LMNTD1: variants seen among roughly 807,000 people sequenced by gnomAD.
LMNTD1 encodes lamin tail domain-containing protein 1.
LMNTD1 carries 35 observed loss-of-function variants against 50.9 expected under a neutral mutation model. The observed-to-expected ratio is 0.69, with a 90% CI of 0.53 to 0.91. The LOEUF is 0.91. Among genes scored for constraint, LMNTD1 ranks in the 40% least tolerant of loss-of-function variants. LMNTD1 has a pLI of 0.00. For synonymous variants in LMNTD1, 153 were observed against 161.9 expected (o/e 0.94, Z 0.42); for missense variants, 470 against 475.5 (o/e 0.99, Z 0.11).
chr12:25,572,765 T>C (rs1342094803), intron 1 of LMNTD1, among the ~76,000 whole-genome samples: 1 of 151,986 alleles, frequency 6.6e-6, no homozygotes, highest in African/African-American at 2.4e-5. Flanking sequence ...ATTTCCTTCC[T>C]CTCTTCCTCC....
Position 25,518,975 on chromosome 12 carries a change from A to C in LMNTD1, c.1017-8T>G. 6.2e-7 allele frequency: 1 copy of C among 1,613,848 alleles called. No individual in the cohort carries two copies. Among genetic ancestry groups the C allele is most frequent in the Non-Finnish European group, 8.5e-7 (1 of 1,179,846 alleles). On this transcript the variant is annotated splice_polypyrimidine_tract_variant and splice_region_variant and intron_variant, in intron 7 of 9. Coordinates refer to ENST00000458174, the MANE Select transcript of LMNTD1 (RefSeq NM_001145728.2). Reference sequence around the variant, plus strand: ...GGTGGGATTTCCTTCTCTCTGTAAAAGAAAAAAGCCTAAATGGAACTCAAA... The same window carrying C: ...GGTGGGATTTCCTTCTCTCTGTAAACGAAAAAAGCCTAAATGGAACTCAAA...
intron 8 of LMNTD1, among the ~76,000 whole-genome samples, chr12:25,510,694 C>A (rs1427403742): frequency 6.6e-6 from 1 of 151,804 alleles, no homozygotes; most frequent in Admixed American, 6.6e-5. Context: ...ATTTTGTATT[C>A]CATTTTATTT....
At chr12:25,515,109 T>C (rs1038491915) in intron 8 of LMNTD1, among the ~76,000 whole-genome samples, 3 of 152,216 alleles carry the variant, frequency 2.0e-5, no homozygotes, top group South Asian at 2.1e-4. Context: ...CCTTTGTATG[T>C]ATGCACAAGT....
chr12:25,521,485 A>C (rs1002604158), intron 6 of LMNTD1, among the ~76,000 whole-genome samples: 1 of 152,220 alleles, frequency 6.6e-6, no homozygotes, highest in Non-Finnish European at 1.5e-5. Context: ...CTACATGATG[A>C]GGATACAGAG....
chr12:25,574,765 A>G (rs1944936057), intron 1 of LMNTD1, among the ~76,000 whole-genome samples: 1 of 152,182 alleles, frequency 6.6e-6, no homozygotes, highest in Admixed American at 6.6e-5. Flanking sequence ...TTTATTGAGC[A>G]TCTTTATTCC....
chr12:25,607,444 C>T (rs1212969550), intron 1 of LMNTD1, among the ~76,000 whole-genome samples: 1 of 152,174 alleles, frequency 6.6e-6, no homozygotes, highest in East Asian at 1.9e-4. Flanking sequence ...AATTTTAGAT[C>T]TTTCCTGCTT....
At chr12:25,563,826 A>T (rs938518249) in intron 1 of LMNTD1, among the ~76,000 whole-genome samples, 1 of 151,948 alleles carries the variant, frequency 6.6e-6, no homozygotes, top group East Asian at 1.9e-4. Flanking sequence ...TTGTTTACCT[A>T]CTCAAGCCTC....
chr12:25,528,866 A>G (rs1591921173), intron 4 of LMNTD1, among the ~76,000 whole-genome samples: 1 of 152,246 alleles, frequency 6.6e-6, no homozygotes, highest in East Asian at 1.9e-4. Flanking sequence ...AAATAGGTAC[A>G]TATCCTTGAG....
At chr12:25,611,960 A>G (rs1946253873) in intron 1 of LMNTD1, among the ~76,000 whole-genome samples, 1 of 152,222 alleles carries the variant, frequency 6.6e-6, no homozygotes, top group Admixed American at 6.5e-5. Context: ...ATTTAAGAGT[A>G]AACTTCTATC....
At chr12:25,476,610 A>G (rs534673577) in intron 9 of LMNTD1, 150 bp from the exon 10 acceptor site, 1 of 152,368 alleles carries the variant, frequency 6.6e-6, no homozygotes, top group African/African-American at 2.4e-5. Flanking sequence ...ACAGATAAAG[A>G]AATCAAAGAA....
chr12:25,526,742 G>A lies in LMNTD1; in HGVS notation c.678+27C>T, dbSNP rs187870031. 2.1e-5 allele frequency: 31 copies of A among 1,486,548 alleles called. No individual in the cohort carries two copies. In the East Asian group the frequency reaches 4.6e-4, roughly 22 times the overall value. 92.1% of individuals were successfully genotyped at this position (1,486,548 alleles called of 1,614,324 possible). ...CAAGTTTGTCCTGTACAATTCTAATGTACAGTATTTATACTCTTATACTCA... is the reference window on the plus strand; with the variant it reads ...CAAGTTTGTCCTGTACAATTCTAATATACAGTATTTATACTCTTATACTCA... On this transcript the variant is annotated intron_variant, in intron 5 of 9. Coordinates refer to ENST00000458174, the MANE Select transcript of LMNTD1 (RefSeq NM_001145728.2).
At chr12:25,525,997 C>T (rs1420882022) in intron 6 of LMNTD1, 102 bp downstream of exon 6, 3 of 890,022 alleles carry the variant, frequency 3.4e-6, no homozygotes, top group Non-Finnish European at 4.6e-6. Context: ...CATTTATGCA[C>T]TTAGACACAT....
intron 1 of LMNTD1, among the ~76,000 whole-genome samples, chr12:25,631,023 C>T (rs1357655206): frequency 3.9e-5 from 6 of 152,178 alleles, no homozygotes; most frequent in Non-Finnish European, 8.8e-5. Context: ...AGGCCTGTGA[C>T]TGCCGGCTTT....
At chr12:25,489,900 A>T (rs1938829642) in intron 9 of LMNTD1, among the ~76,000 whole-genome samples, 1 of 152,236 alleles carries the variant, frequency 6.6e-6, no homozygotes, top group Non-Finnish European at 1.5e-5. Flanking sequence ...TTTCACTTGA[A>T]GTAATATATC....
chr12:25,561,543 G>A (rs1944324921), intron 1 of LMNTD1, among the ~76,000 whole-genome samples: 1 of 152,172 alleles, frequency 6.6e-6, no homozygotes, highest in Non-Finnish European at 1.5e-5. Context: ...CATTTGCTGA[G>A]GAGTGCTTTA....
intron 9 of LMNTD1, among the ~76,000 whole-genome samples, chr12:25,497,962 A>T (rs1939159540): frequency 6.6e-6 from 1 of 152,166 alleles, no homozygotes; most frequent in Non-Finnish European, 1.5e-5. Context: ...TTTTAAAAGA[A>T]GATATTGGGG....
At chr12:25,496,532 G>A (rs899216472) in intron 9 of LMNTD1, among the ~76,000 whole-genome samples, 12 of 152,058 alleles carry the variant, frequency 7.9e-5, no homozygotes, top group South Asian at 4.1e-4. Flanking sequence ...AGTCTGCTCC[G>A]GAGTGTCCAA....
chr12:25,539,847 A>G (rs1942922576), intron 4 of LMNTD1, among the ~76,000 whole-genome samples: 1 of 149,990 alleles, frequency 6.7e-6, no homozygotes, highest in South Asian at 2.2e-4. Context: ...TAAAGAAAAA[A>G]AGAGAGAAGA....
At chr12:25,504,860 C>T (rs1303622681) in intron 8 of LMNTD1, among the ~76,000 whole-genome samples, 1 of 152,166 alleles carries the variant, frequency 6.6e-6, no homozygotes, top group Non-Finnish European at 1.5e-5. Context: ...AAGTTATGAA[C>T]CTAGAATATA....
Sources: gnomAD v4.1 joint callset for allele counts (sites outside exome capture counted in the v4.1 genomes callset) on GRCh38, gnomAD v4.1.1 for gene constraint, MANE v1.5 for transcripts, NCBI Gene and HGNC (gene_info 2026-07-23, HGNC 2026-07-21) for gene names.